Variants in ZAP70 observed in about 807,000 individuals in gnomAD.
ZAP70 encodes tyrosine-protein kinase ZAP-70.
A neutral mutation model predicts 65.8 loss-of-function variants in ZAP70; 27 were observed. The observed-to-expected ratio is 0.41, with a 90% confidence interval of 0.30 to 0.57. The LOEUF (loss-of-function observed/expected upper bound fraction) is 0.57. ZAP70 is among the 20% of genes least tolerant of loss of function. ZAP70 has a pLI of 0.28. For missense variants in ZAP70, 696 were observed against 870.5 expected (o/e 0.80, Z 2.52); for synonymous variants, 363 against 360.8 (o/e 1.01, Z -0.07).
chr2:97,738,506 AC>A, intron 13 of ZAP70: 1 of 296,292 alleles, frequency 3.4e-6, no homozygotes. Flanking sequence ...CAACTACCAG[AC>A]AGGTGAGCAC....
In ZAP70 at chr2:97,720,132, G is replaced by C. The variant is rs76958612; in HGVS notation, c.-21-3884G>C. 7.9e-3 allele frequency among the ~76,000 whole-genome samples: 1,202 copies of C among 152,234 alleles called. 21 individuals are homozygous for C. The highest frequency in any genetic ancestry group is 0.07 in the East Asian group (363 of 5,188). ...AATTTTTGGCAACTGTGGCTAGTAC[G>C]GCTATAAATGTTCCTGTGTAGGTTT... On this transcript the variant is annotated intron_variant, in intron 2 of 13. Coordinates refer to ENST00000264972, the MANE Select transcript of ZAP70 (RefSeq NM_001079.4).
intron 3 of ZAP70, 29 bp downstream of exon 3, chr2:97,724,467 T>G: frequency 6.6e-7 from 1 of 1,515,692 alleles, no homozygotes; most frequent in Non-Finnish European, 8.8e-7. Context: ...GCGCGGGGTC[T>G]GGAGGGGCGT....
the ZAP70 span, among the ~76,000 whole-genome samples, chr2:97,745,453 G>T: frequency 2.0e-5 from 3 of 152,276 alleles, no homozygotes; most frequent in African/African-American, 7.2e-5. Flanking sequence ...AATGCATAAA[G>T]AATTCCTACA....
chr2:97,726,372 C>A (rs760090436), intron 4 of ZAP70, among the ~76,000 whole-genome samples: 4 of 152,236 alleles, frequency 2.6e-5, no homozygotes, highest in Non-Finnish European at 5.9e-5. Flanking sequence ...GGCCTCAAGA[C>A]ACAGATAAAT....
chr2:97,720,384 C>T (rs772181435), intron 2 of ZAP70, among the ~76,000 whole-genome samples: 6 of 152,082 alleles, frequency 3.9e-5, no homozygotes, highest in Admixed American at 2.6e-4. Context: ...CCCACCACCA[C>T]GCCCGACTAA....
chr2:97,754,314 G>T, the ZAP70 span, among the ~76,000 whole-genome samples: 1 of 152,118 alleles, frequency 6.6e-6, no homozygotes, highest in Non-Finnish European at 1.5e-5. Context: ...GGTCGGGGGG[G>T]GTCTCAGGCG....
chr2:97,732,854 G>T lies in ZAP70; in HGVS notation c.564-29G>T, dbSNP rs755277620. ...GCAGGAGGCCCCCAGGTGGCTCTAGGGGTTACATCCCCTCCCTTCCCCTGC... is the reference window on the plus strand; with the variant it reads ...GCAGGAGGCCCCCAGGTGGCTCTAGTGGTTACATCCCCTCCCTTCCCCTGC... On this transcript the variant is annotated intron_variant, in intron 4 of 13. Transcript: ENST00000264972. 3 of 1,613,354 alleles carry T rather than the reference G, an allele frequency of 1.9e-6. No individual in the cohort carries two copies. In the Admixed American group the frequency reaches 5.0e-5, roughly 27 times the overall value.
At position 97,737,869 on chromosome 2, in the gene ZAP70, C is replaced by A; in HGVS notation, c.1595C>A (p.Ala532Asp). ...AGCTATGGGGTCACCATGTGGGAGGCCTTGTCCTACGGCCAGAAGCCCTAC... is the reference window on the plus strand; with the variant it reads ...AGCTATGGGGTCACCATGTGGGAGGACTTGTCCTACGGCCAGAAGCCCTAC... ...VWSYGVTMWEALSYGQKPYKK... is the reference protein window; with the variant it reads ...VWSYGVTMWEDLSYGQKPYKK... Residue 532 changes from alanine (A) to aspartate (D), a missense_variant, in exon 12 of 14, where the codon GCC becomes GAC. This residue lies in a region of ZAP70 where 67 missense variants were observed against 151.9 expected (regional missense o/e 0.44). Transcript: ENST00000264972. The surrounding 1 kb of genome is among the most constrained non-coding windows in gnomAD (Gnocchi z 5.0). 1.2e-6 allele frequency: 2 copies of A among 1,614,110 alleles called. No homozygotes were observed. Among genetic ancestry groups the A allele is most frequent in the Non-Finnish European group, 8.5e-7 (1 of 1,179,992 alleles).
chr2:97,731,387 G>A lies in ZAP70; in HGVS notation c.564-1496G>A, dbSNP rs1677600537. Among the ~76,000 whole-genome samples the A allele has an allele frequency of 6.6e-6, 1 of 152,122 alleles. No homozygotes were observed. The highest frequency in any genetic ancestry group is 2.4e-5 in the African/African-American group (1 of 41,402). ...GTGTCACTGCGGGGTTTCACGTGAC[G>A]GCGCTGCATCTGCTGTCCCAGCCTA... On this transcript the variant is annotated intron_variant, in intron 4 of 13. Transcript: ENST00000264972. The surrounding 1 kb of genome is among the most constrained non-coding windows in gnomAD (Gnocchi z 4.0).
chr2:97,751,537 T>A, the ZAP70 span, among the ~76,000 whole-genome samples: 2 of 152,372 alleles, frequency 1.3e-5, no homozygotes, highest in South Asian at 4.1e-4. Flanking sequence ...CCATTAGTTC[T>A]GTTTTTCTAG....
rs1397871458 is a variant in ZAP70, at chr2:97,734,724, C to T, written c.1082+12C>T. The T allele has an allele frequency of 6.2e-7, 1 of 1,612,956 alleles. No homozygotes were observed. ...TACCGCATGCGCAAGTATGGCCGCC[C>T]CTGCCGTGGTGGGAGCACCGCCGCC... On this transcript the variant is annotated intron_variant, in intron 9 of 13. Coordinates refer to ENST00000264972, the MANE Select transcript of ZAP70 (RefSeq NM_001079.4).
downstream of ZAP70, among the ~76,000 whole-genome samples, chr2:97,740,650 C>T (rs1201303962): frequency 6.6e-6 from 1 of 152,198 alleles, no homozygotes; most frequent in Non-Finnish European, 1.5e-5. Flanking sequence ...CGCTGAGGAA[C>T]CAACGAAAGA....
intron 2 of ZAP70, among the ~76,000 whole-genome samples, chr2:97,717,091 A>G (rs1676948852): frequency 1.3e-5 from 2 of 152,192 alleles, no homozygotes. Context: ...GCGTGTGCTG[A>G]CGACCAGTGC....
rs1677271743 is a variant in ZAP70, at chr2:97,724,106, C to A, written c.70C>A (p.Leu24Met). Reference protein sequence around the residue: ...SISRAEAEEHLKLAGMADGLF... With the variant: ...SISRAEAEEHMKLAGMADGLF... ...CTCGCGTGCCGAGGCCGAGGAGCAC[C>A]TGAAGCTGGCGGGCATGGCGGACGG... The change falls in exon 3 of 14, where the codon CTG (leucine) becomes ATG (methionine). Residue 24 changes from leucine (L) to methionine (M), a missense_variant. By Grantham distance (15) the Leu-to-Met change is conservative. This residue lies in a region of ZAP70 where 551 missense variants were observed against 630.0 expected (regional missense o/e 0.87). Transcript: ENST00000264972. The A allele has an allele frequency of 1.3e-6, 2 of 1,568,416 alleles. No homozygotes were observed. The highest frequency in any genetic ancestry group is 1.7e-6 in the Non-Finnish European group (2 of 1,159,966).
At chr2:97,735,510 G>A in intron 10 of ZAP70, 54 bp downstream of exon 10, 1 of 1,575,158 alleles carries the variant, frequency 6.3e-7, no homozygotes, top group African/African-American at 1.3e-5. Flanking sequence ...GCCCATCCTG[G>A]GCATGGTGGA....
intron 2 of ZAP70, among the ~76,000 whole-genome samples, chr2:97,720,906 C>T (rs1036634525): frequency 3.3e-5 from 5 of 152,202 alleles, no homozygotes; most frequent in African/African-American, 4.8e-5. Flanking sequence ...TTCCTTTCAG[C>T]TCCAGAGCCC....
rs1292159862 is a variant in ZAP70, at chr2:97,724,069, C to T, written c.33C>T (p.Phe11=). 6.4e-7 allele frequency: 1 copy of T among 1,558,778 alleles called. No homozygotes were observed. The highest frequency in any genetic ancestry group is 2.4e-5 in the East Asian group (1 of 42,250). The change falls in exon 3 of 14, where the codon TTC becomes TTT. Residue 11 remains phenylalanine (F), a synonymous_variant. Transcript: ENST00000264972. The part of the protein sequence containing the change: MPDPAAHLPF[F]YGSISRAEAE... ...ACCCCGCGGCGCACCTGCCCTTCTT[C>T]TACGGCAGCATCTCGCGTGCCGAGG...
At chr2:97,745,954 CATGGAACATTATCCAGCTG>C in the ZAP70 span, among the ~76,000 whole-genome samples, 19 of 152,252 alleles carry the variant, frequency 1.2e-4, no homozygotes, top group East Asian at 2.7e-3. Flanking sequence ...GTATACATTC[CATGGAACATTATCCAGCTG>C]ATGGAACATT....
chr2:97,727,502 T>A (rs139021974), intron 4 of ZAP70, among the ~76,000 whole-genome samples: 1 of 152,262 alleles, frequency 6.6e-6, no homozygotes, highest in East Asian at 1.9e-4. Flanking sequence ...CTCGCCAAGA[T>A]GTTAGTAATG....
Sources: allele counts gnomAD v4.1 joint callset (sites outside exome capture counted in the v4.1 genomes callset), GRCh38; gene constraint gnomAD v4.1.1; regional missense constraint gnomAD v4.1.1; non-coding constraint Gnocchi (gnomAD v3.1); transcripts MANE v1.5; gene names NCBI Gene and HGNC (gene_info 2026-07-23, HGNC 2026-07-21).